SHOC1: variants seen among roughly 807,000 people sequenced by gnomAD.
SHOC1 encodes shortage in chiasmata 1.
In SHOC1, 136 loss-of-function variants were observed where a neutral mutation model predicts 179.2. The observed-to-expected ratio is 0.76, with a 90% CI of 0.66 to 0.87. SHOC1 has a LOEUF of 0.87. SHOC1 is among the 40% of genes least tolerant of loss of function. The probability of loss-of-function intolerance (pLI) is 0.00; values close to 1 mark genes in which losing one functional copy is unlikely to be tolerated. For missense variants in SHOC1, 1,538 were observed against 1,700.8 expected (o/e 0.90, Z 1.68); for synonymous variants, 489 against 586.6 (o/e 0.83, Z 2.41).
intron 5 of SHOC1, among the ~76,000 whole-genome samples, chr9:111,762,375 G>T (rs1295671438): frequency 6.6e-5 from 10 of 151,856 alleles, no homozygotes; most frequent in African/African-American, 2.4e-4. Flanking sequence ...GCTGCAGTGA[G>T]CTGTGATTGC....
chr9:111,691,591 A>T lies in SHOC1; in HGVS notation c.4386T>A (p.His1462Gln), dbSNP rs1831424177. ...TGTCTCCTGAGTTAAATGAAGATTC[A>T]TGGTGCCTTTTCTGTCCTAAACTTT... Reference protein sequence around the residue: ...AGKSLGQKRHHESSFNSGDKE... With the variant: ...AGKSLGQKRHQESSFNSGDKE... The change falls in exon 27 of 28, where the codon CAT becomes CAA. Residue 1462 changes from histidine to glutamine, a missense_variant. Physicochemically the swap from His to Gln is conservative, Grantham distance 24. Coordinates refer to ENST00000682961, the MANE Select transcript of SHOC1 (RefSeq NM_001378211.1). 1 of 1,613,572 alleles carries T rather than the reference A, an allele frequency of 6.2e-7. No individual in the cohort carries two copies. Among genetic ancestry groups the T allele is most frequent in the Middle Eastern group, 1.7e-4 (1 of 6,058 alleles).
chr9:111,692,482 C>G lies in SHOC1; in HGVS notation c.3495G>C (p.Lys1165Asn), dbSNP rs1360131402. 6.3e-7 allele frequency: 1 copy of G among 1,590,438 alleles called. No homozygotes were observed. The highest frequency in any genetic ancestry group is 8.6e-7 in the Non-Finnish European group (1 of 1,166,090). The change falls in exon 27 of 28, where the codon AAG becomes AAC. Residue 1165 changes from lysine to asparagine, a missense_variant. Transcript: ENST00000682961. ...KHFCSITSLF[K>N]IGSSSITKSP... is the part of the protein sequence containing the mutation. ...ATTTTGTTATGGAAGAAGAACCAAT[C>G]TTGAATAGGGAAGTGATGCTACAAA...
intron 27 of SHOC1, 43 bp from the exon 28 acceptor site, chr9:111,686,913 T>C (rs1831193785): frequency 8.4e-7 from 1 of 1,195,010 alleles, no homozygotes; most frequent in African/African-American, 1.6e-5. Context: ...TTGCTTACAA[T>C]AGTAAAGTAT....
intron 8 of SHOC1, among the ~76,000 whole-genome samples, chr9:111,749,000 T>C: frequency 7.7e-6 from 1 of 129,672 alleles, no homozygotes. Context: ...CTCCCTCCTT[T>C]CCTGCCTTCC....
chr9:111,700,498 G>T (rs772346927), intron 23 of SHOC1, among the ~76,000 whole-genome samples: 5 of 152,110 alleles, frequency 3.3e-5, no homozygotes, highest in Non-Finnish European at 5.9e-5. Context: ...TTACTAAGCA[G>T]GTCAGATGTA....
Position 111,773,996 on chromosome 9 carries a change from C to T in SHOC1, c.442+1795G>A, listed in dbSNP as rs112782913. ...AAATCTAAATTTATAAAGTGATGTC[C>T]GGTGACACAGGACACCTGAGGAAAT... On this transcript the variant is annotated intron_variant, in intron 5 of 27. Transcript: ENST00000682961. 3.5e-3 allele frequency among the ~76,000 whole-genome samples: 531 copies of T among 152,030 alleles called. 2 individuals are homozygous for T. Among genetic ancestry groups the T allele is most frequent in the African/African-American group, 0.012 (489 of 41,474 alleles).
At chr9:111,708,646 G>A (rs2131366910) in intron 18 of SHOC1, among the ~76,000 whole-genome samples, 1 of 152,282 alleles carries the variant, frequency 6.6e-6, no homozygotes. Flanking sequence ...GTATTTCAAT[G>A]TAATAGGAAT....
At chr9:111,708,944 T>C (rs1564115139) in intron 18 of SHOC1, among the ~76,000 whole-genome samples, 1 of 152,212 alleles carries the variant, frequency 6.6e-6, no homozygotes, top group Non-Finnish European at 1.5e-5. Context: ...AGAGTAATGG[T>C]CAATAATTTC....
chr9:111,741,345 T>C (rs932309342), intron 11 of SHOC1, 131 bp downstream of exon 11: 29 of 552,498 alleles, frequency 5.2e-5, no homozygotes, highest in Non-Finnish European at 7.8e-5. Context: ...GATATCTTGG[T>C]ATTTTAGCTT....
intron 6 of SHOC1, 90 bp from the exon 7 acceptor site, chr9:111,758,285 G>A: frequency 1.4e-6 from 1 of 720,970 alleles, no homozygotes. Context: ...TAAAATTAAA[G>A]TTGAGGTAAA....
intron 24 of SHOC1, among the ~76,000 whole-genome samples, chr9:111,696,887 A>G (rs543635284): frequency 1.3e-5 from 2 of 152,358 alleles, no homozygotes; most frequent in South Asian, 2.1e-4. Flanking sequence ...TCTGTTTAGT[A>G]TGCAGCACAG....
At chr9:111,780,606 T>C (rs971199602) in intron 4 of SHOC1, among the ~76,000 whole-genome samples, 2 of 152,158 alleles carry the variant, frequency 1.3e-5, no homozygotes, top group Non-Finnish European at 2.9e-5. Context: ...TTTGACCAAA[T>C]ATATTACAAA....
At chr9:111,778,221 C>G (rs1835902396) in intron 4 of SHOC1, among the ~76,000 whole-genome samples, 1 of 151,868 alleles carries the variant, frequency 6.6e-6, no homozygotes, top group Admixed American at 6.6e-5. Flanking sequence ...GGACACTGGT[C>G]TTTTCCAGGT....
intron 5 of SHOC1, among the ~76,000 whole-genome samples, chr9:111,767,763 T>C (rs1230690811): frequency 6.6e-6 from 1 of 152,236 alleles, no homozygotes; most frequent in Non-Finnish European, 1.5e-5. Context: ...ATTGAATCTG[T>C]AAATTGCTTT....
chr9:111,691,498 AT>A (rs1831419498), intron 27 of SHOC1, 52 bp downstream of exon 27: 7 of 1,485,086 alleles, frequency 4.7e-6, no homozygotes, highest in Non-Finnish European at 5.4e-6. Flanking sequence ...AGATGATTTT[AT>A]CTTTTAAAAT....
At chr9:111,735,093 T>A (rs1833756865) in intron 12 of SHOC1, among the ~76,000 whole-genome samples, 1 of 152,180 alleles carries the variant, frequency 6.6e-6, no homozygotes, top group Non-Finnish European at 1.5e-5. Flanking sequence ...TTAATTCACT[T>A]AAGATCATGG....
Position 111,714,569 on chromosome 9 carries a change from C to G in SHOC1, c.2291G>C (p.Gly764Ala), listed in dbSNP as rs180855943. Residue 764 changes from glycine (G) to alanine (A), a missense_variant, in exon 17 of 28, where the codon GGT becomes GCT. Transcript: ENST00000682961. ...AATCTCCAGCTGTCTCCAAATGTCACCCAAATAGGGGCCTAAAATGCTGTT... is the reference window on the plus strand; with the variant it reads ...AATCTCCAGCTGTCTCCAAATGTCAGCCAAATAGGGGCCTAAAATGCTGTT... ...IYNSILGPYL[G>A]DIWRQLEIVQ... 6.3e-5 allele frequency: 101 copies of G among 1,613,838 alleles called. 1 individual carries two copies. The Admixed American group carries it at 1.0e-3, about 16-fold the overall frequency.
intron 5 of SHOC1, among the ~76,000 whole-genome samples, chr9:111,769,986 G>GTTTTTTTTTTTT (rs769266659): frequency 1.2e-3 from 91 of 77,596 alleles, no homozygotes; most frequent in African/African-American, 1.6e-3. Context: ...TTTTTTTTTT[G>GTTTTTTTTTTTT]TTTTTTTTTT....
intron 21 of SHOC1, among the ~76,000 whole-genome samples, chr9:111,704,905 C>T (rs12352113): frequency 0.057 from 8,658 of 151,884 alleles, 626 homozygotes; most frequent in African/African-American, 0.17. Context: ...GAAAAAAGCA[C>T]ACAAAATGTT....
Sources: allele counts gnomAD v4.1 joint callset (sites outside exome capture counted in the v4.1 genomes callset), GRCh38; gene constraint gnomAD v4.1.1; transcripts MANE v1.5; gene names NCBI Gene and HGNC (gene_info 2026-07-23, HGNC 2026-07-21).